SSBP2: variants seen among roughly 807,000 people sequenced by gnomAD.
SSBP2 encodes the protein single stranded DNA binding protein 2.
SSBP2 carries 17 observed loss-of-function variants against 61.8 expected under a neutral mutation model. The ratio of observed to expected loss-of-function variants is 0.28; its 90% CI spans 0.19 to 0.41. The LOEUF (loss-of-function observed/expected upper bound fraction) is 0.41. Among genes scored for constraint, SSBP2 ranks in the 10% least tolerant of loss-of-function variants. The pLI is 1.00. For missense variants in SSBP2, 310 were observed against 458.7 expected (o/e 0.68, Z 2.96); for synonymous variants, 139 against 141.3 (o/e 0.98, Z 0.12).
intron 4 of SSBP2, among the ~76,000 whole-genome samples, chr5:81,576,939 T>A (rs1159786010): frequency 6.6e-6 from 1 of 152,008 alleles, no homozygotes; most frequent in Non-Finnish European, 1.5e-5. Flanking sequence ...TTTAAGAGAA[T>A]AAGAGAATCT....
chr5:81,562,524 T>C (rs570044667), intron 4 of SSBP2, among the ~76,000 whole-genome samples: 1 of 152,190 alleles, frequency 6.6e-6, no homozygotes, highest in East Asian at 1.9e-4. Flanking sequence ...ATCGATACAA[T>C]GTAAATATGA....
chr5:81,705,495 A>G (rs1313751869), intron 1 of SSBP2, among the ~76,000 whole-genome samples: 1 of 152,190 alleles, frequency 6.6e-6, no homozygotes, highest in Non-Finnish European at 1.5e-5. Context: ...AAAAATAATT[A>G]ACTGATCCTT....
At chr5:81,586,049 C>A (rs1008076828) in intron 4 of SSBP2, among the ~76,000 whole-genome samples, 2 of 152,134 alleles carry the variant, frequency 1.3e-5, no homozygotes, top group African/African-American at 4.8e-5. Flanking sequence ...CAACTACTGA[C>A]GGATACGTAG....
At chr5:81,662,626 A>AC (rs1053076779) in intron 1 of SSBP2, among the ~76,000 whole-genome samples, 5 of 151,788 alleles carry the variant, frequency 3.3e-5, no homozygotes, top group African/African-American at 1.2e-4. Context: ...AGATGGTGAA[A>AC]CCCCGTCTCT....
intron 1 of SSBP2, among the ~76,000 whole-genome samples, chr5:81,719,152 G>C (rs752522173): frequency 6.6e-6 from 1 of 152,126 alleles, no homozygotes; most frequent in Non-Finnish European, 1.5e-5. Flanking sequence ...GGTTGCCACA[G>C]GTTTCAACAC....
intron 4 of SSBP2, among the ~76,000 whole-genome samples, chr5:81,589,162 G>A (rs555435062): frequency 2.6e-5 from 4 of 152,220 alleles, no homozygotes; most frequent in African/African-American, 9.6e-5. Flanking sequence ...TGAAGGTCAC[G>A]TATCAAAAAG....
chr5:81,525,588 T>G (rs184614780), intron 4 of SSBP2, among the ~76,000 whole-genome samples: 64 of 152,156 alleles, frequency 4.2e-4, no homozygotes, highest in African/African-American at 1.5e-3. Flanking sequence ...TGCAGTTGGA[T>G]TCCCTTGATA....
intron 1 of SSBP2, among the ~76,000 whole-genome samples, chr5:81,683,932 T>C (rs1283037805): frequency 1.3e-5 from 2 of 152,094 alleles, no homozygotes; most frequent in African/African-American, 4.8e-5. Flanking sequence ...TGGCCAAAAT[T>C]CAAAATACTG....
chr5:81,628,152 T>C (rs947496692), intron 3 of SSBP2, among the ~76,000 whole-genome samples: 1 of 152,190 alleles, frequency 6.6e-6, no homozygotes, highest in African/African-American at 2.4e-5. Context: ...GAGGTTTAAC[T>C]GACTCACAGT....
intron 3 of SSBP2, among the ~76,000 whole-genome samples, chr5:81,635,760 T>C (rs915460266): frequency 8.6e-5 from 13 of 151,984 alleles, no homozygotes; most frequent in Non-Finnish European, 1.6e-4. Flanking sequence ...ATTTTTTCTA[T>C]TTTTTAGTAG....
chr5:81,566,208 T>C (rs553235672), intron 4 of SSBP2, among the ~76,000 whole-genome samples: 1 of 152,318 alleles, frequency 6.6e-6, no homozygotes, highest in East Asian at 1.9e-4. Flanking sequence ...ACTGCTTCTA[T>C]AAGGTTAATA....
intron 4 of SSBP2, among the ~76,000 whole-genome samples, chr5:81,522,895 T>TCAA (rs1439858864): frequency 1.3e-5 from 2 of 152,060 alleles, no homozygotes; most frequent in African/African-American, 4.8e-5. Flanking sequence ...AGAATAGTAT[T>TCAA]CAATCCTTTA....
At chr5:81,738,195 G>A (rs1282208149) in intron 1 of SSBP2, among the ~76,000 whole-genome samples, 1 of 152,142 alleles carries the variant, frequency 6.6e-6, no homozygotes, top group Non-Finnish European at 1.5e-5. Flanking sequence ...CCAGAGTGCT[G>A]GTAATGTTCT....
At chr5:81,664,962 T>A (rs958318548) in intron 1 of SSBP2, among the ~76,000 whole-genome samples, 12 of 152,226 alleles carry the variant, frequency 7.9e-5, no homozygotes, top group Non-Finnish European at 1.5e-5. Flanking sequence ...TTGCTTACTG[T>A]AGCCTTGTAG....
chr5:81,532,165 T>C (rs934822430), intron 4 of SSBP2, among the ~76,000 whole-genome samples: 3 of 152,046 alleles, frequency 2.0e-5, no homozygotes, highest in Non-Finnish European at 4.4e-5. Flanking sequence ...AAAAGTTTAT[T>C]TGATGAAAAA....
chr5:81,469,087 G>T (rs1261476752), intron 8 of SSBP2, among the ~76,000 whole-genome samples: 3 of 151,826 alleles, frequency 2.0e-5, no homozygotes, highest in Admixed American at 1.3e-4. Context: ...GAAGATCTCT[G>T]TTTTATTTTA....
chr5:81,418,245 A>C lies in SSBP2; in HGVS notation c.*2259T>G, dbSNP rs958035877. The C allele has an allele frequency of 6.6e-6, 1 of 152,212 alleles. No homozygotes were observed. The highest frequency in any genetic ancestry group is 6.5e-5 in the Admixed American group (1 of 15,280). 9.4% of individuals were successfully genotyped at this position (152,212 alleles called of 1,614,324 possible). On this transcript the variant is annotated 3_prime_UTR_variant, in exon 17 of 17. Transcript: ENST00000320672. ...CAGGTTACCCTGGCTTGAGGTAAAG[A>C]CCTTTTCATCTGAATTTGCATGAAA...
chr5:81,750,366 G>A (rs946078258), intron 1 of SSBP2, among the ~76,000 whole-genome samples: 53 of 144,812 alleles, frequency 3.7e-4, no homozygotes, highest in African/African-American at 1.2e-3. Context: ...CCCCGCGCGC[G>A]TCTCCGCGCC....
chr5:81,634,746 T>C (rs1354970726), intron 3 of SSBP2, among the ~76,000 whole-genome samples: 1 of 152,230 alleles, frequency 6.6e-6, no homozygotes, highest in Admixed American at 6.5e-5. Flanking sequence ...ATACTCTCTC[T>C]GCCTTTCACC....
Sources: allele counts gnomAD v4.1 joint callset (sites outside exome capture counted in the v4.1 genomes callset), GRCh38; gene constraint gnomAD v4.1.1; transcripts MANE v1.5; gene names NCBI Gene and HGNC (gene_info 2026-07-23, HGNC 2026-07-21).